TEAD1: variants seen among roughly 807,000 people sequenced by gnomAD.
The protein encoded by TEAD1 is TEA domain transcription factor 1.
A neutral mutation model predicts 54.9 loss-of-function variants in TEAD1; 9 were observed. The ratio of observed to expected loss-of-function variants is 0.16; its 90% CI spans 0.10 to 0.29. TEAD1 has a LOEUF of 0.29. Ranked by LOEUF, TEAD1 falls within the 10% of genes least tolerant of loss-of-function variation. The probability of loss-of-function intolerance (pLI) is 1.00; values close to 1 mark genes in which losing one functional copy is unlikely to be tolerated. For missense variants in TEAD1, 387 were observed against 535.9 expected (o/e 0.72, Z 2.74); for synonymous variants, 200 against 187.8 (o/e 1.07, Z -0.53).
chr11:12,761,492 A>G (rs1264038616), intron 2 of TEAD1, among the ~76,000 whole-genome samples: 5 of 152,194 alleles, frequency 3.3e-5, no homozygotes, highest in Non-Finnish European at 5.9e-5. Context: ...ATAGGAATAA[A>G]TACAAACGCC....
chr11:12,759,582 G>T (rs766122992), intron 2 of TEAD1, among the ~76,000 whole-genome samples: 11 of 152,200 alleles, frequency 7.2e-5, no homozygotes, highest in Non-Finnish European at 1.3e-4. Context: ...AGTATTTCCA[G>T]CTGGGCGCGG....
At chr11:12,693,669 T>G (rs1488123297) in intron 2 of TEAD1, among the ~76,000 whole-genome samples, 2 of 152,230 alleles carry the variant, frequency 1.3e-5, no homozygotes, top group Admixed American at 6.5e-5. Context: ...TTTCATTGTT[T>G]CGGTAACCGT....
intron 3 of TEAD1, among the ~76,000 whole-genome samples, chr11:12,815,286 C>T (rs1294634239): frequency 1.3e-5 from 2 of 152,082 alleles, no homozygotes; most frequent in Non-Finnish European, 2.9e-5. Flanking sequence ...TTTCTTCTTC[C>T]CTCCCTCCCT....
chr11:12,728,442 G>A (rs1944355496), intron 2 of TEAD1, among the ~76,000 whole-genome samples: 1 of 152,186 alleles, frequency 6.6e-6, no homozygotes, highest in South Asian at 2.1e-4. Context: ...GAATGACCCC[G>A]GTTAGTTGGA....
chr11:12,687,142 T>C (rs1386923441), intron 2 of TEAD1, among the ~76,000 whole-genome samples: 1 of 152,234 alleles, frequency 6.6e-6, no homozygotes, highest in Non-Finnish European at 1.5e-5. Flanking sequence ...AAATCTTTGG[T>C]TTATCTTTCT....
At chr11:12,722,474 G>A (rs1287481614) in intron 2 of TEAD1, among the ~76,000 whole-genome samples, 1 of 152,162 alleles carries the variant, frequency 6.6e-6, no homozygotes, top group African/African-American at 2.4e-5. Context: ...TGCTAGGTGG[G>A]TAATGCTGAG....
chr11:12,808,342 C>G (rs988263723), intron 3 of TEAD1, among the ~76,000 whole-genome samples: 1 of 152,260 alleles, frequency 6.6e-6, no homozygotes, highest in Admixed American at 6.5e-5. Context: ...CCTGTGTTCT[C>G]AGCTCTACCC....
At chr11:12,914,555 G>A (rs148009798) in intron 10 of TEAD1, among the ~76,000 whole-genome samples, 405 of 152,318 alleles carry the variant, frequency 2.7e-3, no homozygotes, top group African/African-American at 9.3e-3. Flanking sequence ...GCTGTCTCAC[G>A]GTTGGCCCAG....
intron 4 of TEAD1, 98 bp from the exon 5 acceptor site, chr11:12,864,740 G>A (rs745946639): frequency 2.3e-5 from 37 of 1,607,788 alleles, no homozygotes; most frequent in Non-Finnish European, 2.9e-5. Flanking sequence ...AATTCAAGCC[G>A]CCATTAAGGT....
chr11:12,864,552 A>G, intron 4 of TEAD1: 1 of 615,796 alleles, frequency 1.6e-6, no homozygotes, highest in South Asian at 2.0e-5. Flanking sequence ...TGAGATGCAA[A>G]TAACCACCCC....
At chr11:12,708,482 T>C (rs1252111089) in intron 2 of TEAD1, among the ~76,000 whole-genome samples, 1 of 152,030 alleles carries the variant, frequency 6.6e-6, no homozygotes, top group Non-Finnish European at 1.5e-5. Context: ...TTAATTGGGA[T>C]GGGGCTCGGG....
intron 2 of TEAD1, 54 bp from the exon 3 acceptor site, chr11:12,764,125 G>A: frequency 5.3e-6 from 6 of 1,135,496 alleles, no homozygotes; most frequent in Non-Finnish European, 7.5e-6. Context: ...GCTAGCAAGA[G>A]CATTATGTTT....
intron 3 of TEAD1, among the ~76,000 whole-genome samples, chr11:12,777,270 C>T (rs1222184000): frequency 6.6e-6 from 1 of 152,088 alleles, no homozygotes; most frequent in Non-Finnish European, 1.5e-5. Flanking sequence ...ATATTTGTCA[C>T]CCCAAAGTTT....
chr11:12,694,838 T>C (rs1426245407), intron 2 of TEAD1, among the ~76,000 whole-genome samples: 3 of 152,156 alleles, frequency 2.0e-5, no homozygotes, highest in African/African-American at 7.2e-5. Context: ...TATGGAGTCA[T>C]TGGAAGTTCT....
At chr11:12,786,521 T>A (rs1945680479) in intron 3 of TEAD1, among the ~76,000 whole-genome samples, 1 of 152,096 alleles carries the variant, frequency 6.6e-6, no homozygotes, top group South Asian at 2.1e-4. Context: ...CAAAAAGTTA[T>A]TTTTTAGTAT....
intron 9 of TEAD1, among the ~76,000 whole-genome samples, chr11:12,883,382 G>A (rs1335339651): frequency 2.0e-5 from 3 of 152,208 alleles, no homozygotes; most frequent in African/African-American, 7.2e-5. Context: ...TTGAGTCAGA[G>A]AGAGGGACGT....
intron 5 of TEAD1, among the ~76,000 whole-genome samples, chr11:12,865,864 C>T (rs1038365557): frequency 6.6e-6 from 1 of 152,114 alleles, no homozygotes; most frequent in East Asian, 1.9e-4. Context: ...TCCCATGTGC[C>T]TTTTTCGGTT....
At chr11:12,711,346 T>C (rs1422273899) in intron 2 of TEAD1, among the ~76,000 whole-genome samples, 6 of 152,216 alleles carry the variant, frequency 3.9e-5, no homozygotes, top group African/African-American at 1.4e-4. Flanking sequence ...ATAATTCATA[T>C]TTGTTCATTT....
chr11:12,841,044 C>T (rs1362564282), intron 3 of TEAD1, among the ~76,000 whole-genome samples: 3 of 152,136 alleles, frequency 2.0e-5, no homozygotes, highest in Non-Finnish European at 2.9e-5. Flanking sequence ...CATGAAAATA[C>T]GCTAAGGGCA....
Sources: allele counts gnomAD v4.1 joint callset (sites outside exome capture counted in the v4.1 genomes callset), GRCh38; gene constraint gnomAD v4.1.1; transcripts MANE v1.5; gene names NCBI Gene and HGNC (gene_info 2026-07-23, HGNC 2026-07-21).